Variants in PACSIN2 observed in about 807,000 individuals in gnomAD.
PACSIN2 encodes the protein protein kinase C and casein kinase substrate in neurons 2, also known as protein kinase C and casein kinase substrate in neurons protein 2.
A neutral mutation model predicts 63.8 loss-of-function variants in PACSIN2; 25 were observed. That is an observed-to-expected ratio of 0.39 (90% CI 0.29 to 0.55). The LOEUF (loss-of-function observed/expected upper bound fraction) is 0.55, where lower values mean the gene tolerates loss of function less well. PACSIN2 is among the 20% of genes least tolerant of loss of function. The pLI is 0.62. For missense variants in PACSIN2, 518 were observed against 646.9 expected, an observed-to-expected ratio of 0.80 and a Z score of 2.16; for synonymous variants, 255 against 256.2, an observed-to-expected ratio of 1.00 and a Z score of 0.05.
At chr22:42,999,068 C>A (rs893729484) in intron 1 of PACSIN2, among the ~76,000 whole-genome samples, 1 of 152,216 alleles carries the variant, frequency 6.6e-6, no homozygotes. Flanking sequence ...CCAGATAATT[C>A]GGGATGCTGA....
At chr22:42,996,264 T>A (rs1383059756) in intron 1 of PACSIN2, among the ~76,000 whole-genome samples, 1 of 151,042 alleles carries the variant, frequency 6.6e-6, no homozygotes. Flanking sequence ...CTGGACGCGG[T>A]GGCTCACGCC....
chr22:42,912,526 A>C (rs896506399), intron 1 of PACSIN2, among the ~76,000 whole-genome samples: 1 of 152,156 alleles, frequency 6.6e-6, no homozygotes. Flanking sequence ...AGTGGCTACC[A>C]CATTCCACTT....
intron 2 of PACSIN2, among the ~76,000 whole-genome samples, chr22:42,902,395 G>C (rs1261993452): frequency 6.6e-6 from 1 of 152,134 alleles, no homozygotes; most frequent in Non-Finnish European, 1.5e-5. Context: ...ATGCCAAAAT[G>C]CATCAAAATA....
Position 42,890,985 on chromosome 22 carries a change from G to T in PACSIN2, c.415C>A (p.Arg139=). The T allele has an allele frequency of 6.2e-7, 1 of 1,614,122 alleles. No individual in the cohort carries two copies. Among genetic ancestry groups the T allele is most frequent in the Non-Finnish European group, 8.5e-7 (1 of 1,180,012 alleles). Residue 139 remains arginine (R), a synonymous_variant, in exon 4 of 11, where the codon CGG becomes AGG. Transcript: ENST00000263246. ...KETKEAEDGF[R]KAQKPWAKKL... ...TTGGCCCAGGGCTTCTGTGCCTTCC[G>T]AAAGCCGTCCTCAGCTTCCTTGGTC...
In PACSIN2 at chr22:42,884,564, A is replaced by G. The variant is rs1481019934; in HGVS notation, c.610-3T>C. 2 of 1,612,304 alleles carry G rather than the reference A, an allele frequency of 1.2e-6. No homozygotes were observed. The highest frequency in any genetic ancestry group is 1.7e-6 in the Non-Finnish European group (2 of 1,179,038). On this transcript the variant is annotated splice_region_variant and splice_polypyrimidine_tract_variant and intron_variant, in intron 5 of 10. Transcript: ENST00000263246. ...GACTTCTCATACTTCTCTTTGGTCT[A>G]AAGGAAAATCCAGGCACAAGACAGA...
At chr22:42,909,625 A>T (rs1368202531) in intron 2 of PACSIN2, 1 of 470,086 alleles carries the variant, frequency 2.1e-6, no homozygotes, top group Admixed American at 2.4e-5. Flanking sequence ...GAGCATTTTC[A>T]GGCAAAAGGA....
At chr22:42,982,887 A>AAAAAAAAAAAAACC (rs200348918) in intron 1 of PACSIN2, among the ~76,000 whole-genome samples, 1 of 129,496 alleles carries the variant, frequency 7.7e-6, no homozygotes, top group Non-Finnish European at 1.7e-5. Context: ...AAAAAAAAAA[A>AAAAAAAAAAAAACC]AAACAACAAC....
chr22:42,910,360 T>C (rs1233406221), intron 2 of PACSIN2, among the ~76,000 whole-genome samples: 1 of 152,234 alleles, frequency 6.6e-6, no homozygotes, highest in African/African-American at 2.4e-5. Context: ...AACAAGGGCC[T>C]GCACTTCTAA....
intron 1 of PACSIN2, among the ~76,000 whole-genome samples, chr22:42,933,435 C>A (rs1207136543): frequency 2.6e-5 from 4 of 152,180 alleles, no homozygotes; most frequent in Non-Finnish European, 1.5e-5. Flanking sequence ...GTGGAAGCCT[C>A]AATTCAAGTC....
At chr22:42,988,239 G>T (rs908000285) in intron 1 of PACSIN2, among the ~76,000 whole-genome samples, 2 of 152,146 alleles carry the variant, frequency 1.3e-5, no homozygotes, top group African/African-American at 4.8e-5. Flanking sequence ...ACAAGGAGAA[G>T]ATAGTCTCTG....
At chr22:42,947,972 C>T (rs984955181) in intron 1 of PACSIN2, among the ~76,000 whole-genome samples, 1 of 152,232 alleles carries the variant, frequency 6.6e-6, no homozygotes, top group Non-Finnish European at 1.5e-5. Flanking sequence ...CTTGAACAAC[C>T]TCCTCCAACA....
intron 1 of PACSIN2, among the ~76,000 whole-genome samples, chr22:42,934,752 G>C (rs1932858356): frequency 1.3e-5 from 2 of 152,116 alleles, no homozygotes; most frequent in Admixed American, 6.5e-5. Context: ...CCCCAACCAA[G>C]TTGTTAACCC....
chr22:42,935,938 G>A (rs1019428427), intron 1 of PACSIN2, among the ~76,000 whole-genome samples: 3 of 152,156 alleles, frequency 2.0e-5, no homozygotes, highest in African/African-American at 7.2e-5. Context: ...TTCCAGCAGG[G>A]CACGGTGGCT....
chr22:42,946,331 G>C (rs920408893), intron 1 of PACSIN2, among the ~76,000 whole-genome samples: 2 of 152,184 alleles, frequency 1.3e-5, no homozygotes, highest in Non-Finnish European at 2.9e-5. Flanking sequence ...CAAAGGATTT[G>C]TCCCTGGGGG....
At chr22:42,913,305 C>G (rs1007934535) in intron 1 of PACSIN2, among the ~76,000 whole-genome samples, 1 of 152,130 alleles carries the variant, frequency 6.6e-6, no homozygotes, top group Non-Finnish European at 1.5e-5. Context: ...GACGGAGAAA[C>G]CCCGTCTCTA....
At chr22:42,939,537 C>T (rs1016101585) in intron 1 of PACSIN2, among the ~76,000 whole-genome samples, 1 of 152,192 alleles carries the variant, frequency 6.6e-6, no homozygotes, top group Non-Finnish European at 1.5e-5. Flanking sequence ...CTCCCCTCCC[C>T]ATTCCAGTGG....
intron 1 of PACSIN2, among the ~76,000 whole-genome samples, chr22:42,964,362 G>T (rs772655563): frequency 1.3e-5 from 2 of 150,118 alleles, no homozygotes; most frequent in African/African-American, 4.9e-5. Flanking sequence ...AGGTTGCAGT[G>T]AGCCAAGATC....
chr22:42,928,160 A>T (rs1174601624), intron 1 of PACSIN2, among the ~76,000 whole-genome samples: 2 of 152,244 alleles, frequency 1.3e-5, no homozygotes, highest in Non-Finnish European at 2.9e-5. Context: ...GGCAAACCAT[A>T]AACCCTTGAG....
intron 1 of PACSIN2, among the ~76,000 whole-genome samples, chr22:42,995,596 T>C (rs1459920846): frequency 6.6e-6 from 1 of 152,196 alleles, no homozygotes; most frequent in Non-Finnish European, 1.5e-5. Flanking sequence ...TAAATGTGCA[T>C]TTCCAATGTC....
Sources: gnomAD v4.1 joint callset for allele counts (sites outside exome capture counted in the v4.1 genomes callset) on GRCh38, gnomAD v4.1.1 for gene constraint, MANE v1.5 for transcripts, NCBI Gene and HGNC (gene_info 2026-07-23, HGNC 2026-07-21) for gene names.